The following SLC22A6 variants were observed in gnomAD, a reference collection of about 807,000 sequenced individuals.
SLC22A6 encodes solute carrier family 22 member 6.
SLC22A6 carries 45 observed loss-of-function variants against 56.7 expected under a neutral mutation model. The ratio of observed to expected loss-of-function variants is 0.79; its 90% CI spans 0.63 to 1.02. The LOEUF (loss-of-function observed/expected upper bound fraction) is 1.02. SLC22A6 is among the 50% of genes least tolerant of loss of function. The pLI, the probability that SLC22A6 is intolerant of heterozygous loss-of-function variation, is 0.00. For synonymous variants in SLC22A6, 291 were observed against 295.9 expected, an observed-to-expected ratio of 0.98 and a Z score of 0.17; for missense variants, 606 against 713.8, an observed-to-expected ratio of 0.85 and a Z score of 1.72.
At position 62,984,791 on chromosome 11, in the gene SLC22A6, C is replaced by T. The variant is rs940949435; in HGVS notation, c.-101G>A. 10 of 1,326,404 alleles carry T rather than the reference C, an allele frequency of 7.5e-6. No homozygotes were observed. In the African/African-American group the frequency reaches 1.3e-4, roughly 18 times the overall value. The allele number at this position is 1,326,404 out of a possible 1,614,324, so 82.2% of individuals were successfully genotyped here. ...GTCCTTCGCTGGAGGAGCAGCACTG[C>T]CGTTGCCTCCGCAGCTGGGTTGCTC... On this transcript the variant is annotated 5_prime_UTR_variant, in exon 1 of 10. Transcript: ENST00000360421.
At chr11:62,979,636 G>T in intron 7 of SLC22A6, 40 bp from the exon 8 acceptor site, 1 of 1,590,998 alleles carries the variant, frequency 6.3e-7, no homozygotes, top group South Asian at 1.1e-5. Context: ...GCTTGGGAGT[G>T]GAGGCTAGGA....
In SLC22A6 at chr11:62,984,200, TC is replaced by T. The variant is rs2086289833; in HGVS notation, c.369+121del. 4.5e-6 allele frequency: 6 copies of T among 1,344,704 alleles called. No homozygotes were observed. In the East Asian group the frequency reaches 7.5e-5, roughly 17 times the overall value. 83.3% of individuals were successfully genotyped at this position (1,344,704 alleles called of 1,614,324 possible). On this transcript the variant is annotated intron_variant, in intron 1 of 9. Transcript: ENST00000360421. The stretch of plus-strand genomic sequence containing the variant: ...TGGTCCTGACAGCTGAGAGCATTTT[TC>T]TTTTTAACTCAGCAGTTAAAAAACT...
chr11:62,978,025 C>T (rs992615865), intron 8 of SLC22A6, among the ~76,000 whole-genome samples: 1 of 152,196 alleles, frequency 6.6e-6, no homozygotes, highest in Non-Finnish European at 1.5e-5. Flanking sequence ...GTCACTTAAC[C>T]TCTCTTTGCC....
rs1242544442 is a variant in SLC22A6 at position 62,983,644 on chromosome 11, A to T, written c.521T>A (p.Val174Glu). ...TGCGAAGGCTGCGCAGGTCCCTGACACAGCTGTCTGCAGGTAGTTCAAGAT... is the reference window on the plus strand; with the variant it reads ...TGCGAAGGCTGCGCAGGTCCCTGACTCAGCTGTCTGCAGGTAGTTCAAGAT... ...VLILNYLQTA[V>E]SGTCAAFAPN... is the part of the protein sequence containing the mutation. The change falls in exon 3 of 10, where the codon GTG (valine) becomes GAG (glutamate). Residue 174 changes from valine to glutamate, a missense_variant. Transcript: ENST00000360421. This position sits in a 1 kb window ranked among gnomAD's most constrained non-coding sequence, Gnocchi z 4.5. 1 of 1,612,454 alleles carries T rather than the reference A, an allele frequency of 6.2e-7. No homozygotes were observed. Among genetic ancestry groups the T allele is most frequent in the Non-Finnish European group, 8.5e-7 (1 of 1,179,538 alleles).
chr11:62,982,682 A>T (rs1163918690), intron 3 of SLC22A6, among the ~76,000 whole-genome samples: 1 of 152,110 alleles, frequency 6.6e-6, no homozygotes, highest in Non-Finnish European at 1.5e-5. Flanking sequence ...TTGGCCTTGG[A>T]TTCCTCATTT....
Position 62,983,434 on chromosome 11 carries a change from G to T in SLC22A6, c.628+103C>A. The T allele has an allele frequency of 8.3e-7, 1 of 1,202,716 alleles. No individual in the cohort carries two copies. 74.5% of individuals were successfully genotyped at this position (1,202,716 alleles called of 1,614,324 possible). A position where few individuals can be genotyped will look rare whatever the true frequency, so the allele number is the denominator to read the frequency against. On this transcript the variant is annotated intron_variant, in intron 3 of 9. Transcript: ENST00000360421. The surrounding 1 kb of genome is among the most constrained non-coding windows in gnomAD (Gnocchi z 4.5). The stretch of plus-strand genomic sequence containing the variant: ...AGGAAGGTGAGACCCGAGAGAGGCT[G>T]GAGGGCAGGCAGGGCTCAGGAGGGG...
Position 62,984,574 on chromosome 11 carries a change from G to T in SLC22A6, c.117C>A (p.Asn39Lys), listed in dbSNP as rs1457350534. ...LLMASHNTLQ[N>K]FTAAIPTHHC... ...GGTGGGTAGGGATGGCAGCAGTGAA[G>T]TTCTGCAGGGTGTTGTGAGAAGCCA... The change falls in exon 1 of 10, where the codon AAC (asparagine) becomes AAA (lysine). Residue 39 changes from asparagine to lysine, a missense_variant. Transcript: ENST00000360421. 1 of 1,613,460 alleles carries T rather than the reference G, an allele frequency of 6.2e-7. No homozygotes were observed. The highest frequency in any genetic ancestry group is 1.3e-5 in the African/African-American group (1 of 74,922).
chr11:62,978,591 T>TC lies in SLC22A6; in HGVS notation c.1361+896_1361+897insG, dbSNP rs1491113300. Among the ~76,000 whole-genome samples, 8 of 65,752 alleles carry TC rather than the reference T, an allele frequency of 1.2e-4. No individual in the cohort carries two copies. The South Asian group carries it at 1.7e-3, about 14-fold the overall frequency. 43.1% of individuals were successfully genotyped at this position (65,752 alleles called of 152,430 possible). The stretch of plus-strand genomic sequence containing the variant: ...GGTCTTGCAGGATGGTCTTGATCTC[T>TC]TTTTTTTTTTTTTTTTTTGAGATGG... On this transcript the variant is annotated intron_variant, in intron 8 of 9. Coordinates refer to ENST00000360421, the MANE Select transcript of SLC22A6 (RefSeq NM_153276.3).
chr11:62,981,468 T>A lies in SLC22A6; in HGVS notation c.798-85A>T, dbSNP rs976784817. 2.5e-5 allele frequency: 20 copies of A among 789,190 alleles called. No homozygotes were observed. The African/African-American group carries it at 2.8e-4, about 11-fold the overall frequency. The allele number at this position is 789,190 out of a possible 1,614,324, so 48.9% of individuals were successfully genotyped here. A position where few individuals can be genotyped will look rare whatever the true frequency, so the allele number is the denominator to read the frequency against. Reference sequence around the variant, plus strand: ...GGGCTGGGGCTGGGCTTTCTAGGGGTCTGCGATGGGATTTTATTTAAGGTT... The same window carrying A: ...GGGCTGGGGCTGGGCTTTCTAGGGGACTGCGATGGGATTTTATTTAAGGTT... On this transcript the variant is annotated intron_variant, in intron 4 of 9. Transcript: ENST00000360421.
Position 62,983,774 on chromosome 11 carries a change from G to T in SLC22A6, c.474-83C>A. The T allele has an allele frequency of 7.1e-7, 1 of 1,411,142 alleles. No homozygotes were observed. The highest frequency in any genetic ancestry group is 9.6e-7 in the Non-Finnish European group (1 of 1,038,172). The allele number at this position is 1,411,142 out of a possible 1,614,324, so 87.4% of individuals were successfully genotyped here. A position where few individuals can be genotyped will look rare whatever the true frequency, so the allele number is the denominator to read the frequency against. ...AGCCAGGAGAGGAGGGCTCACCCTG[G>T]ATGATGCCTGGGCTGGGGCCTTTTG... On this transcript the variant is annotated intron_variant, in intron 2 of 9. Coordinates refer to ENST00000360421, the MANE Select transcript of SLC22A6 (RefSeq NM_153276.3). The surrounding 1 kb of genome is among the most constrained non-coding windows in gnomAD (Gnocchi z 4.5).
At position 62,984,521 on chromosome 11, in the gene SLC22A6, A is replaced by T; in HGVS notation, c.170T>A (p.Leu57His). ...GACCTCCAGCCCCCCGTTCTTGCTG[A>T]GGTTGGCATCGGCAGGCGGGCGGCA... is the stretch of plus-strand genomic sequence containing the variant. Reference protein sequence around the residue: ...HHCRPPADANLSKNGGLEVWL... With the variant: ...HHCRPPADANHSKNGGLEVWL... Residue 57 changes from leucine (L) to histidine (H), a missense_variant, in exon 1 of 10, where the codon CTC (leucine) becomes CAC (histidine). Coordinates refer to ENST00000360421, the MANE Select transcript of SLC22A6 (RefSeq NM_153276.3). The T allele has an allele frequency of 6.2e-7, 1 of 1,613,682 alleles. No individual in the cohort carries two copies. Among genetic ancestry groups the T allele is most frequent in the East Asian group, 2.2e-5 (1 of 44,862 alleles).
chr11:62,981,406 GT>G, intron 4 of SLC22A6, 23 bp from the exon 5 acceptor site: 7 of 1,334,090 alleles, frequency 5.2e-6, no homozygotes, highest in East Asian at 5.4e-5. Flanking sequence ...GTGGGGGTGG[GT>G]GTCAGCATGG....
chr11:62,978,842 G>T (rs1008543184), intron 8 of SLC22A6, among the ~76,000 whole-genome samples: 1 of 151,938 alleles, frequency 6.6e-6, no homozygotes, highest in African/African-American at 2.4e-5. Context: ...TGCCTGCCTC[G>T]GCCTCCCAAA....
At position 62,984,493 on chromosome 11, in the gene SLC22A6, C is replaced by T; in HGVS notation, c.198G>A (p.Trp66Ter). The T allele has an allele frequency of 2.5e-6, 4 of 1,613,938 alleles. No homozygotes were observed. Among genetic ancestry groups the T allele is most frequent in the Non-Finnish European group, 2.5e-6 (3 of 1,179,952 alleles). The change falls in exon 1 of 10, where the codon TGG (tryptophan) becomes TGA (stop). Residue 66 changes from tryptophan to a stop codon, truncating the protein, a stop_gained. Transcript: ENST00000360421. LOFTEE classifies it high-confidence loss of function. ...NLSKNGGLEV[W>*]LPRDRQGQPE... ...GCTGCCCCTGCCTGTCCCGGGGCAG[C>T]CAGACCTCCAGCCCCCCGTTCTTGC...
intron 4 of SLC22A6, among the ~76,000 whole-genome samples, 155 bp from the exon 5 acceptor site, chr11:62,981,538 G>A (rs1221085950): frequency 6.6e-6 from 1 of 152,196 alleles, no homozygotes; most frequent in Non-Finnish European, 1.5e-5. Context: ...AGGACCACGA[G>A]GCAGTGCCCA....
chr11:62,984,249 CTTTTT>C (rs4149175), intron 1 of SLC22A6, 68 bp downstream of exon 1: 11 of 1,382,324 alleles, frequency 8.0e-6, no homozygotes, highest in South Asian at 1.3e-5. Context: ...TCTCCATGTA[CTTTTT>C]TTTTTTTTTT....
chr11:62,979,990 C>A, intron 6 of SLC22A6, 42 bp from the exon 7 acceptor site: 1 of 1,463,308 alleles, frequency 6.8e-7, no homozygotes, highest in Non-Finnish European at 9.6e-7. Context: ...GTTAGGAAGG[C>A]TTAAAGTGGG....
rs747469499 is a variant in SLC22A6, at chr11:62,984,484, C to T, written c.207G>A (p.Arg69=). 6.2e-7 allele frequency: 1 copy of T among 1,613,814 alleles called. No individual in the cohort carries two copies. Among genetic ancestry groups the T allele is most frequent in the Non-Finnish European group, 8.5e-7 (1 of 1,179,986 alleles). ...KNGGLEVWLP[R]DRQGQPESCL... ...AGGACTCAGGCTGCCCCTGCCTGTC[C>T]CGGGGCAGCCAGACCTCCAGCCCCC... The change falls in exon 1 of 10, where the codon CGG becomes CGA. Residue 69 remains arginine, a synonymous_variant. Coordinates refer to ENST00000360421, the MANE Select transcript of SLC22A6 (RefSeq NM_153276.3).
At chr11:62,979,660 TC>T in intron 7 of SLC22A6, 64 bp from the exon 8 acceptor site, 1 of 1,592,682 alleles carries the variant, frequency 6.3e-7, no homozygotes, top group South Asian at 1.1e-5. Context: ...ATTGGCCCCC[TC>T]CCTTCTGAGA....
Sources: allele counts gnomAD v4.1 joint callset (sites outside exome capture counted in the v4.1 genomes callset), GRCh38; gene constraint gnomAD v4.1.1; non-coding constraint Gnocchi (gnomAD v3.1); transcripts MANE v1.5; gene names NCBI Gene and HGNC (gene_info 2026-07-23, HGNC 2026-07-21).